ERG: variants seen among roughly 807,000 people sequenced by gnomAD.
ERG encodes the protein transcriptional regulator ERG.
A neutral mutation model predicts 55.3 loss-of-function variants in ERG; 9 were observed. That is an observed-to-expected ratio of 0.16 (90% CI 0.10 to 0.28). The LOEUF is 0.28. Among genes scored for constraint, ERG ranks in the 10% least tolerant of loss-of-function variants. ERG has a pLI of 1.00. For synonymous variants in ERG, 223 were observed against 237.3 expected (o/e 0.94, Z 0.55); for missense variants, 434 against 631.6 (o/e 0.69, Z 3.35).
chr21:38,421,934 C>T (rs1163266613), intron 3 of ERG, among the ~76,000 whole-genome samples: 5 of 152,210 alleles, frequency 3.3e-5, no homozygotes, highest in Admixed American at 2.6e-4. Flanking sequence ...CTCACTGCAA[C>T]CTCTGCCTCT....
At chr21:38,569,585 G>A (rs915604114) in intron 2 of ERG, among the ~76,000 whole-genome samples, 5 of 152,152 alleles carry the variant, frequency 3.3e-5, no homozygotes, top group Non-Finnish European at 5.9e-5. Context: ...CACAAAACAG[G>A]ATATATAATC....
chr21:38,392,090 GAAAAC>G (rs1177926333), intron 7 of ERG, among the ~76,000 whole-genome samples: 1 of 152,134 alleles, frequency 6.6e-6, no homozygotes, highest in Non-Finnish European at 1.5e-5. Flanking sequence ...CAAGATTCAG[GAAAAC>G]ACCGATTATT....
intron 1 of ERG, among the ~76,000 whole-genome samples, chr21:38,647,596 GA>G (rs1346711433): frequency 2.0e-5 from 3 of 151,894 alleles, no homozygotes; most frequent in Non-Finnish European, 2.9e-5. Flanking sequence ...GGTTGGTCAT[GA>G]AAAAAAAGGT....
chr21:38,410,192 T>C (rs1240851644), intron 3 of ERG, among the ~76,000 whole-genome samples: 1 of 152,266 alleles, frequency 6.6e-6, no homozygotes, highest in African/African-American at 2.4e-5. Flanking sequence ...AAATCTGTTA[T>C]CACAGGGGCA....
At chr21:38,542,552 A>G (rs1170567067) in intron 2 of ERG, among the ~76,000 whole-genome samples, 1 of 152,194 alleles carries the variant, frequency 6.6e-6, no homozygotes, top group Non-Finnish European at 1.5e-5. Flanking sequence ...AATCTCAGTT[A>G]TTATGGAGCT....
intron 1 of ERG, chr21:38,473,972 AACTG>A (rs1569127473): frequency 6.6e-6 from 1 of 152,168 alleles, no homozygotes; most frequent in South Asian, 2.1e-4. Context: ...AACATGAGCC[AACTG>A]ACTTTTTTTT....
intron 2 of ERG, among the ~76,000 whole-genome samples, chr21:38,575,284 T>C (rs1051446276): frequency 6.6e-6 from 1 of 152,188 alleles, no homozygotes; most frequent in African/African-American, 2.4e-5. Context: ...ATTTCATATA[T>C]TAACTCAGCA....
intron 2 of ERG, among the ~76,000 whole-genome samples, chr21:38,431,569 C>T (rs1233884273): frequency 6.6e-6 from 1 of 152,018 alleles, no homozygotes; most frequent in Non-Finnish European, 1.5e-5. Flanking sequence ...TGAAAGCAGC[C>T]CACTGAGTAA....
chr21:38,524,266 TG>T (rs2059614963), intron 2 of ERG, among the ~76,000 whole-genome samples: 1 of 152,194 alleles, frequency 6.6e-6, no homozygotes, highest in Non-Finnish European at 1.5e-5. Context: ...TTTAATCAGC[TG>T]CCAACACTAT....
At chr21:38,638,208 A>T (rs2060402169) in intron 1 of ERG, among the ~76,000 whole-genome samples, 1 of 152,198 alleles carries the variant, frequency 6.6e-6, no homozygotes, top group Admixed American at 6.5e-5. Flanking sequence ...CCATGATTCC[A>T]TGCCTCAGGT....
intron 1 of ERG, among the ~76,000 whole-genome samples, chr21:38,463,620 C>T (rs1263115886): frequency 6.6e-6 from 1 of 152,204 alleles, no homozygotes; most frequent in Non-Finnish European, 1.5e-5. Context: ...TGTGCACTGG[C>T]CTGAGCCTTG....
intron 1 of ERG, among the ~76,000 whole-genome samples, chr21:38,467,567 T>C (rs1771179679): frequency 6.6e-6 from 1 of 152,158 alleles, no homozygotes; most frequent in Non-Finnish European, 1.5e-5. Context: ...ACAGGAACCC[T>C]GAAAGACACA....
intron 1 of ERG, among the ~76,000 whole-genome samples, chr21:38,645,779 A>C (rs2060452398): frequency 6.6e-6 from 1 of 152,236 alleles, no homozygotes; most frequent in African/African-American, 2.4e-5. Context: ...TCCCTTTTAC[A>C]TTCCAAATAC....
chr21:38,467,294 T>TG (rs1184263598), intron 1 of ERG, among the ~76,000 whole-genome samples: 2 of 152,202 alleles, frequency 1.3e-5, no homozygotes, highest in Non-Finnish European at 2.9e-5. Flanking sequence ...ATTGAAAGAA[T>TG]GACCTGATAT....
chr21:38,382,029 C>G lies in ERG; in HGVS notation c.*1374G>C, dbSNP rs534022480. The G allele has an allele frequency of 4.7e-6, 5 of 1,059,968 alleles. No individual in the cohort carries two copies. Among genetic ancestry groups the G allele is most frequent in the Middle Eastern group, 4.2e-4 (1 of 2,398 alleles). 65.7% of individuals were successfully genotyped at this position (1,059,968 alleles called of 1,614,324 possible). A position where few individuals can be genotyped will look rare whatever the true frequency, so the allele number is the denominator to read the frequency against. ...TGCAAATGCAGACTCCTGTATAAAT[C>G]TGATTTGCCATGCTAGGCCAAGCTT... On this transcript the variant is annotated 3_prime_UTR_variant, in exon 10 of 10. Coordinates refer to ENST00000288319, the MANE Select transcript of ERG (RefSeq NM_182918.4).
chr21:38,458,325 G>A (rs1191082942), intron 1 of ERG, among the ~76,000 whole-genome samples: 3 of 151,786 alleles, frequency 2.0e-5, no homozygotes, highest in East Asian at 1.9e-4. Context: ...TCGGTAGGCC[G>A]AGGCTGGAGA....
At chr21:38,534,601 A>G (rs1601201376) in intron 2 of ERG, among the ~76,000 whole-genome samples, 1 of 152,192 alleles carries the variant, frequency 6.6e-6, no homozygotes, top group African/African-American at 2.4e-5. Context: ...AGAAATTAGA[A>G]CCCTTGTGCA....
At chr21:38,541,706 G>T (rs1485139004) in intron 2 of ERG, among the ~76,000 whole-genome samples, 2 of 152,172 alleles carry the variant, frequency 1.3e-5, no homozygotes, top group African/African-American at 2.4e-5. Flanking sequence ...ATAATTTGTA[G>T]TGAATTTAAC....
chr21:38,418,841 C>T lies in ERG; in HGVS notation c.388+4569G>A, dbSNP rs552671328. On this transcript the variant is annotated intron_variant, in intron 3 of 9. Coordinates refer to ENST00000288319, the MANE Select transcript of ERG (RefSeq NM_182918.4). ...ACTCAGGAGGCTGAGGCAGGAGAAT[C>T]ACTTGAACCTGGGAGGCAGAGGTTG... Among the ~76,000 whole-genome samples, 20 of 141,924 alleles carry T rather than the reference C, an allele frequency of 1.4e-4. No homozygotes were observed. The South Asian group carries it at 4.1e-3, about 29-fold the overall frequency. The allele number at this position is 141,924 out of a possible 152,430, so 93.1% of individuals were successfully genotyped here.
Sources: allele counts gnomAD v4.1 joint callset (sites outside exome capture counted in the v4.1 genomes callset), GRCh38; gene constraint gnomAD v4.1.1; transcripts MANE v1.5; gene names NCBI Gene and HGNC (gene_info 2026-07-23, HGNC 2026-07-21).